The following CMIP variants were observed in gnomAD, a reference collection of about 807,000 sequenced individuals.
CMIP encodes the protein C-Maf-inducing protein.
A neutral mutation model predicts 97.3 loss-of-function variants in CMIP; 13 were observed. The observed-to-expected ratio is 0.13, with a 90% CI of 0.09 to 0.21. CMIP has a LOEUF of 0.21. Among genes scored for constraint, CMIP ranks in the 10% least tolerant of loss-of-function variants. The pLI, the probability that CMIP is intolerant of heterozygous loss-of-function variation, is 1.00. For missense variants in CMIP, 847 were observed against 1,024.9 expected (o/e 0.83, Z 2.37); for synonymous variants, 538 against 436.3 (o/e 1.23, Z -2.91).
intron 1 of CMIP, among the ~76,000 whole-genome samples, chr16:81,449,665 G>T: frequency 9.3e-6 from 1 of 108,004 alleles, no homozygotes; most frequent in African/African-American, 4.8e-5. Context: ...TAAACACACA[G>T]ATTTCCCCCC....
chr16:81,575,256 C>T (rs1007104139), intron 1 of CMIP, among the ~76,000 whole-genome samples: 2 of 152,168 alleles, frequency 1.3e-5, no homozygotes, highest in African/African-American at 2.4e-5. Flanking sequence ...CTGAGTCATG[C>T]AGTGTTGGAA....
In CMIP at chr16:81,493,184, A is replaced by C. The variant is rs548119635; in HGVS notation, c.300+47643A>C. ...CCTTGATCCTGGTCCCGGCACACAG[A>C]CACTTCAGGGGTGATGGAGCCACCA... On this transcript the variant is annotated intron_variant, in intron 1 of 20. Coordinates refer to ENST00000537098, the MANE Select transcript of CMIP (RefSeq NM_198390.3). Among the ~76,000 whole-genome samples, 6 of 152,150 alleles carry C rather than the reference A, an allele frequency of 3.9e-5. No individual in the cohort carries two copies. In the South Asian group the frequency reaches 1.2e-3, roughly 32 times the overall value.
chr16:81,623,247 T>C (rs1279423909), intron 3 of CMIP, among the ~76,000 whole-genome samples: 2 of 152,192 alleles, frequency 1.3e-5, no homozygotes, highest in Non-Finnish European at 2.9e-5. Flanking sequence ...ATTCAGACAG[T>C]TGATTGAGCA....
At chr16:81,559,810 C>T (rs2090841246) in intron 1 of CMIP, among the ~76,000 whole-genome samples, 1 of 152,048 alleles carries the variant, frequency 6.6e-6, no homozygotes, top group South Asian at 2.1e-4. Flanking sequence ...AAAAAATGAG[C>T]CATAAAACAG....
At chr16:81,588,314 T>G (rs937885998) in intron 1 of CMIP, among the ~76,000 whole-genome samples, 14 of 152,222 alleles carry the variant, frequency 9.2e-5, no homozygotes, top group Non-Finnish European at 1.9e-4. Flanking sequence ...CTTCTCTCTC[T>G]CTTTTTCCCC....
intron 1 of CMIP, among the ~76,000 whole-genome samples, chr16:81,563,800 T>C (rs2090930359): frequency 6.6e-6 from 1 of 152,250 alleles, no homozygotes; most frequent in South Asian, 2.1e-4. Context: ...GAAAAGCTTC[T>C]GCCTTTTAGC....
intron 1 of CMIP, among the ~76,000 whole-genome samples, chr16:81,556,583 C>G (rs1219644815): frequency 4.6e-5 from 7 of 152,094 alleles, no homozygotes; most frequent in Admixed American, 3.9e-4. Flanking sequence ...ATCCTGGTAA[C>G]CACAGGTAGA....
chr16:81,651,515 T>C (rs1194720495), intron 3 of CMIP: 18 of 299,850 alleles, frequency 6.0e-5, no homozygotes. Context: ...AGTCCCTACC[T>C]GGCCGGAGTC....
intron 1 of CMIP, among the ~76,000 whole-genome samples, chr16:81,527,961 C>T (rs1003558323): frequency 4.6e-5 from 7 of 152,172 alleles, no homozygotes; most frequent in East Asian, 3.8e-4. Flanking sequence ...AGTTGCCATT[C>T]GCTGGTATTG....
chr16:81,680,592 G>T (rs1391925408), intron 10 of CMIP, among the ~76,000 whole-genome samples: 1 of 152,198 alleles, frequency 6.6e-6, no homozygotes, highest in Non-Finnish European at 1.5e-5. Context: ...TCAGGTGAGG[G>T]CATAACCACA....
At chr16:81,670,634 G>GGGT (rs2092674757) in intron 8 of CMIP, among the ~76,000 whole-genome samples, 1 of 94,840 alleles carries the variant, frequency 1.1e-5, no homozygotes, top group African/African-American at 3.7e-5. Context: ...GGGGGGGGGG[G>GGGT]TGGTTGCTTT....
At chr16:81,523,854 C>G (rs908910537) in intron 1 of CMIP, among the ~76,000 whole-genome samples, 2 of 152,244 alleles carry the variant, frequency 1.3e-5, no homozygotes, top group Non-Finnish European at 2.9e-5. Context: ...GGATGTAACA[C>G]CCAGCTCATC....
chr16:81,460,080 A>G (rs1454377231), intron 1 of CMIP, among the ~76,000 whole-genome samples: 4 of 150,968 alleles, frequency 2.6e-5, no homozygotes, highest in Non-Finnish European at 5.9e-5. Flanking sequence ...GGAGGCTCTG[A>G]GAGGTGAGGT....
intron 18 of CMIP, 44 bp from the exon 19 acceptor site, chr16:81,705,455 C>T: frequency 7.1e-7 from 1 of 1,400,688 alleles, no homozygotes. Context: ...AGTCACTTCC[C>T]CAGGAGTGGC....
intron 10 of CMIP, among the ~76,000 whole-genome samples, chr16:81,687,107 C>T (rs560519154): frequency 6.6e-6 from 1 of 152,216 alleles, no homozygotes. Flanking sequence ...CAGATGGAGA[C>T]TCAACATCCC....
chr16:81,551,079 C>T (rs1228021243), intron 1 of CMIP, among the ~76,000 whole-genome samples: 5 of 128,248 alleles, frequency 3.9e-5, no homozygotes, highest in African/African-American at 9.0e-5. Flanking sequence ...GCACCCCAGT[C>T]CCGTCACACG....
intron 1 of CMIP, among the ~76,000 whole-genome samples, chr16:81,456,588 C>T (rs575933455): frequency 4.6e-5 from 7 of 152,316 alleles, no homozygotes; most frequent in Admixed American, 1.3e-4. Context: ...GATGCCCCTG[C>T]GAGGTGGTGC....
At chr16:81,446,684 A>T (rs1905865634) in intron 1 of CMIP, among the ~76,000 whole-genome samples, 1 of 152,156 alleles carries the variant, frequency 6.6e-6, no homozygotes, top group African/African-American at 2.4e-5. Context: ...CCAGCCAGGA[A>T]ATAGGGTGTC....
At chr16:81,640,203 C>G (rs368085441) in intron 3 of CMIP, among the ~76,000 whole-genome samples, 9 of 151,562 alleles carry the variant, frequency 5.9e-5, no homozygotes, top group Non-Finnish European at 1.3e-4. Context: ...CTTATGCAAT[C>G]GGGTAATGGG....
Sources: gnomAD v4.1 joint callset for allele counts (sites outside exome capture counted in the v4.1 genomes callset) on GRCh38, gnomAD v4.1.1 for gene constraint, MANE v1.5 for transcripts, NCBI Gene and HGNC (gene_info 2026-07-23, HGNC 2026-07-21) for gene names.